The following FOXN2 variants were observed in gnomAD, a reference collection of about 807,000 sequenced individuals.
FOXN2 encodes the protein forkhead box N2, also known as forkhead box protein N2.
FOXN2 carries 19 observed loss-of-function variants against 41.2 expected under a neutral mutation model. That is an observed-to-expected ratio of 0.46 (90% CI 0.32 to 0.68). The LOEUF (loss-of-function observed/expected upper bound fraction) is 0.68, where lower values mean the gene tolerates loss of function less well. Ranked by LOEUF, FOXN2 falls within the 30% of genes least tolerant of loss-of-function variation. The pLI is 0.03. For synonymous variants in FOXN2, 195 were observed against 176.8 expected (o/e 1.10, Z -0.82); for missense variants, 587 against 509.4 (o/e 1.15, Z -1.47).
At position 48,326,058 on chromosome 2, in the gene FOXN2, C is replaced by G. The variant is rs113621648; in HGVS notation, c.-156-2503C>G. ...TAGATGGGGTTTTTGCCATATTGGC[C>G]AGGCCAGTCTCAAACTTCTGGCCTC... On this transcript the variant is annotated intron_variant, in intron 1 of 6. Coordinates refer to ENST00000340553, the MANE Select transcript of FOXN2 (RefSeq NM_002158.4). 1.7e-3 allele frequency among the ~76,000 whole-genome samples: 258 copies of G among 152,094 alleles called. 1 individual carries two copies. The highest frequency in any genetic ancestry group is 6.0e-3 in the African/African-American group (249 of 41,490).
chr2:48,329,077 T>G (rs987773333), intron 2 of FOXN2, among the ~76,000 whole-genome samples: 4 of 152,206 alleles, frequency 2.6e-5, no homozygotes, highest in African/African-American at 9.6e-5. Context: ...GATTGTGTAC[T>G]AGAGACTCAT....
intron 1 of FOXN2, among the ~76,000 whole-genome samples, chr2:48,323,518 G>T (rs1274853362): frequency 6.6e-6 from 1 of 152,016 alleles, no homozygotes; most frequent in Admixed American, 6.6e-5. Context: ...CATGTTGGTT[G>T]GCTGCCTTTA....
At chr2:48,369,165 A>T (rs1459768946) in intron 5 of FOXN2, among the ~76,000 whole-genome samples, 2 of 152,230 alleles carry the variant, frequency 1.3e-5, no homozygotes, top group Non-Finnish European at 2.9e-5. Context: ...TTCTTATGTT[A>T]TCAGGATAAG....
intron 3 of FOXN2, among the ~76,000 whole-genome samples, chr2:48,352,238 A>G (rs554483408): frequency 1.9e-4 from 28 of 150,350 alleles, no homozygotes; most frequent in African/African-American, 6.8e-4. Flanking sequence ...ATGCAAACAG[A>G]GATAGTTTCA....
At chr2:48,353,455 A>G (rs1671582625) in intron 3 of FOXN2, among the ~76,000 whole-genome samples, 1 of 151,930 alleles carries the variant, frequency 6.6e-6, no homozygotes, top group Admixed American at 6.6e-5. Flanking sequence ...TACCTTTATA[A>G]CATACATATC....
intron 3 of FOXN2, 89 bp from the exon 4 acceptor site, chr2:48,358,955 GATT>G (rs1671985453): frequency 1.1e-6 from 1 of 934,938 alleles, no homozygotes; most frequent in Non-Finnish European, 1.6e-6. Context: ...AGGTGCTAGA[GATT>G]ATTTACCCCT....
At chr2:48,324,304 C>T (rs1669525550) in intron 1 of FOXN2, among the ~76,000 whole-genome samples, 1 of 151,200 alleles carries the variant, frequency 6.6e-6, no homozygotes. Flanking sequence ...AAGTGAGTCT[C>T]CTGCCCCAGC....
At chr2:48,364,791 CTG>C (rs540628958) in intron 5 of FOXN2, among the ~76,000 whole-genome samples, 285 of 152,338 alleles carry the variant, frequency 1.9e-3, no homozygotes, top group Non-Finnish European at 2.5e-3. Flanking sequence ...AATTTCAAGA[CTG>C]TGAAAATTCA....
intron 3 of FOXN2, among the ~76,000 whole-genome samples, 193 bp from the exon 4 acceptor site, chr2:48,358,854 G>C (rs1671975881): frequency 6.8e-6 from 1 of 148,138 alleles, no homozygotes; most frequent in South Asian, 2.2e-4. Flanking sequence ...TTGTGAATTA[G>C]AGGAAGTTTT....
At position 48,376,523 on chromosome 2, in the gene FOXN2, C is replaced by CACAATTTTGAAA. The variant is rs1673260737; in HGVS notation, c.*1080_*1081insACAATTTTGAAA. ...TAATGCAATTTTACAGACACAATACCTTCATGAATTTCAAAATTCATATAA... is the reference window on the plus strand; with the variant it reads ...TAATGCAATTTTACAGACACAATACCACAATTTTGAAATTCATGAATTTCAAAATTCATATAA... On this transcript the variant is annotated 3_prime_UTR_variant, in exon 7 of 7. Transcript: ENST00000340553. The CACAATTTTGAAA allele has an allele frequency of 2.0e-5, 3 of 152,528 alleles. No individual in the cohort carries two copies. The highest frequency in any genetic ancestry group is 2.0e-4 in the Admixed American group (3 of 15,274). 9.4% of individuals were successfully genotyped at this position (152,528 alleles called of 1,614,324 possible).
chr2:48,350,740 A>G (rs1041575511), intron 3 of FOXN2, among the ~76,000 whole-genome samples: 2 of 152,196 alleles, frequency 1.3e-5, no homozygotes, highest in African/African-American at 4.8e-5. Flanking sequence ...CACCAGATGG[A>G]GGCCAGTGGA....
At chr2:48,367,390 A>G (rs1205402808) in intron 5 of FOXN2, among the ~76,000 whole-genome samples, 4 of 152,196 alleles carry the variant, frequency 2.6e-5, no homozygotes, top group African/African-American at 9.7e-5. Flanking sequence ...TACTACAAAC[A>G]GATATAAAAT....
At chr2:48,349,548 C>T (rs72820418) in intron 3 of FOXN2, among the ~76,000 whole-genome samples, 32,450 of 151,962 alleles carry the variant, frequency 0.21, 3,827 homozygotes, top group East Asian at 0.45. Flanking sequence ...CTCAGGTTGG[C>T]GGTTCACCTG....
At chr2:48,314,661 T>C (rs947867614), upstream of FOXN2, 1 of 152,658 alleles carries the variant, frequency 6.6e-6, no homozygotes, top group Non-Finnish European at 1.5e-5. Context: ...GGGAGGGGGA[T>C]GTGGTGCTGC....
intron 5 of FOXN2, among the ~76,000 whole-genome samples, chr2:48,365,170 A>G (rs796745284): frequency 5.9e-5 from 9 of 152,338 alleles, no homozygotes; most frequent in African/African-American, 2.2e-4. Context: ...CTTTGGAACT[A>G]TACTAAACTG....
At chr2:48,357,350 G>A (rs1203316923) in intron 3 of FOXN2, among the ~76,000 whole-genome samples, 10 of 152,130 alleles carry the variant, frequency 6.6e-5, no homozygotes, top group Non-Finnish European at 1.3e-4. Context: ...TTCTAGGAGC[G>A]TAATCTCAGG....
At chr2:48,369,594 G>A (rs1050083213) in intron 5 of FOXN2, among the ~76,000 whole-genome samples, 1 of 152,088 alleles carries the variant, frequency 6.6e-6, no homozygotes, top group African/African-American at 2.4e-5. Context: ...ATATTTTATA[G>A]GTGCTTCATT....
At chr2:48,374,709 A>G (rs1673120124) in intron 6 of FOXN2, among the ~76,000 whole-genome samples, 1 of 152,228 alleles carries the variant, frequency 6.6e-6, no homozygotes, top group Non-Finnish European at 1.5e-5. Context: ...TACATATGCT[A>G]TAGAAAAGTC....
In FOXN2 at chr2:48,346,402, A is replaced by C. The variant is rs1303271586; in HGVS notation, c.188A>C (p.His63Pro). 6.2e-7 allele frequency: 1 copy of C among 1,614,244 alleles called. No homozygotes were observed. The highest frequency in any genetic ancestry group is 1.7e-5 in the Admixed American group (1 of 60,024). The change falls in exon 3 of 7, where the codon CAT becomes CCT. Residue 63 changes from histidine to proline, a missense_variant. Coordinates refer to ENST00000340553, the MANE Select transcript of FOXN2 (RefSeq NM_002158.4). Reference protein sequence around the residue: ...DDELTNLNWLHESTNLLTNFS... With the variant: ...DDELTNLNWLPESTNLLTNFS... ...GAACTCACAAACTTGAACTGGCTTC[A>C]TGAAAGCACTAATCTTCTAACAAAC...
Sources: gnomAD v4.1 joint callset for allele counts (sites outside exome capture counted in the v4.1 genomes callset) on GRCh38, gnomAD v4.1.1 for gene constraint, MANE v1.5 for transcripts, NCBI Gene and HGNC (gene_info 2026-07-23, HGNC 2026-07-21) for gene names.